DOK6: variants seen among roughly 807,000 people sequenced by gnomAD.
DOK6 encodes docking protein 6.
Under a neutral mutation model 44.0 loss-of-function variants are expected in DOK6, and 22 were observed. The observed-to-expected ratio is 0.50, with a 90% CI of 0.36 to 0.71. DOK6 has a LOEUF of 0.71. Among genes scored for constraint, DOK6 ranks in the 30% least tolerant of loss-of-function variants. The pLI, the probability that DOK6 is intolerant of heterozygous loss-of-function variation, is 0.00. For synonymous variants in DOK6, 166 were observed against 145.5 expected, an observed-to-expected ratio of 1.14 and a Z score of -1.01; for missense variants, 340 against 416.4, an observed-to-expected ratio of 0.82 and a Z score of 1.60.
intron 3 of DOK6, among the ~76,000 whole-genome samples, chr18:69,621,499 A>G (rs930888598): frequency 1.8e-4 from 27 of 152,146 alleles, no homozygotes; most frequent in Admixed American, 9.8e-4. Flanking sequence ...TGCCAAATGT[A>G]TATGAGGAAA....
At chr18:69,806,518 C>T (rs1395008355) in intron 7 of DOK6, among the ~76,000 whole-genome samples, 1 of 151,910 alleles carries the variant, frequency 6.6e-6, no homozygotes, top group Non-Finnish European at 1.5e-5. Flanking sequence ...TCCCTCAGAA[C>T]TCATGAACCT....
intron 1 of DOK6, among the ~76,000 whole-genome samples, chr18:69,523,397 C>A (rs1981741592): frequency 6.6e-6 from 1 of 151,960 alleles, no homozygotes; most frequent in Non-Finnish European, 1.5e-5. Flanking sequence ...GGTTTCTAAA[C>A]AGTTTTTTAA....
At chr18:69,645,393 A>G (rs1196618192) in intron 3 of DOK6, among the ~76,000 whole-genome samples, 2 of 152,226 alleles carry the variant, frequency 1.3e-5, no homozygotes, top group African/African-American at 4.8e-5. Flanking sequence ...TTCACTCAGC[A>G]TAATCTTCTG....
chr18:69,678,771 C>T (rs7229790), intron 4 of DOK6, among the ~76,000 whole-genome samples: 1,861 of 152,230 alleles, frequency 0.012, 39 homozygotes, highest in African/African-American at 0.041. Flanking sequence ...ATGATCACCA[C>T]CACCAGATGA....
chr18:69,575,666 TAA>T (rs991576065), intron 2 of DOK6, among the ~76,000 whole-genome samples: 1 of 152,110 alleles, frequency 6.6e-6, no homozygotes, highest in Admixed American at 6.6e-5. Context: ...GAATAAATGT[TAA>T]AAGACTAAAC....
chr18:69,841,371 C>T lies in DOK6; in HGVS notation c.984C>T (p.Ser328=). The T allele has an allele frequency of 6.2e-7, 1 of 1,614,186 alleles. No individual in the cohort carries two copies. The highest frequency in any genetic ancestry group is 8.5e-7 in the Non-Finnish European group (1 of 1,180,030). The change falls in exon 8 of 8, where the codon AGC becomes AGT. Residue 328 remains serine, a synonymous_variant. Transcript: ENST00000382713. The part of the protein sequence containing the change: ...SSSYGFSYSS[S]LIQ ...GCTATGGATTCAGCTACAGCTCCAG[C>T]CTCATCCAATGACACACAGAGAGCC...
chr18:69,628,465 G>C (rs1984610901), intron 3 of DOK6, among the ~76,000 whole-genome samples: 1 of 152,048 alleles, frequency 6.6e-6, no homozygotes, highest in Non-Finnish European at 1.5e-5. Context: ...ACTTCAGCCT[G>C]GGTGACAGAG....
chr18:69,579,588 G>T (rs944398223), intron 2 of DOK6, among the ~76,000 whole-genome samples: 1 of 149,906 alleles, frequency 6.7e-6, no homozygotes, highest in Non-Finnish European at 1.5e-5. Context: ...TTTTTGAGAC[G>T]GAGTCTTGCT....
At chr18:69,725,438 A>C (rs11878016) in intron 5 of DOK6, among the ~76,000 whole-genome samples, 1 of 152,116 alleles carries the variant, frequency 6.6e-6, no homozygotes, top group Non-Finnish European at 1.5e-5. Flanking sequence ...TTGAAACTTA[A>C]ATATGCAGAA....
At chr18:69,837,279 C>T (rs1225041893) in intron 7 of DOK6, among the ~76,000 whole-genome samples, 1 of 152,096 alleles carries the variant, frequency 6.6e-6, no homozygotes, top group East Asian at 1.9e-4. Context: ...CTTGCATTAT[C>T]CTGTGGTGGA....
Position 69,706,080 on chromosome 18 carries a change from C to A in DOK6, c.599+7487C>A, listed in dbSNP as rs570661557. Among the ~76,000 whole-genome samples, 7 of 152,330 alleles carry A rather than the reference C, an allele frequency of 4.6e-5. No homozygotes were observed. The South Asian group carries it at 6.2e-4, about 14-fold the overall frequency. ...GAGAACTTGACAGCACTGTTTGTCA[C>A]ACATGCCTCATCCTTGTAACTGGGG... is the stretch of plus-strand genomic sequence containing the variant. On this transcript the variant is annotated intron_variant, in intron 5 of 7. Coordinates refer to ENST00000382713, the MANE Select transcript of DOK6 (RefSeq NM_152721.6).
At chr18:69,720,980 T>C (rs989220110) in intron 5 of DOK6, among the ~76,000 whole-genome samples, 1 of 152,204 alleles carries the variant, frequency 6.6e-6, no homozygotes, top group Non-Finnish European at 1.5e-5. Context: ...AAAGGATATT[T>C]GTAGGTTAAA....
chr18:69,654,365 G>A (rs1414424547), intron 3 of DOK6, among the ~76,000 whole-genome samples: 3 of 152,076 alleles, frequency 2.0e-5, no homozygotes, highest in Admixed American at 6.6e-5. Context: ...TACTTGAACA[G>A]GGACACACAC....
At chr18:69,443,236 T>G (rs546118055) in intron 1 of DOK6, among the ~76,000 whole-genome samples, 2 of 152,272 alleles carry the variant, frequency 1.3e-5, no homozygotes, top group Admixed American at 1.3e-4. Flanking sequence ...TTTTAGTGTT[T>G]GAATATGACA....
chr18:69,495,659 G>A (rs967101410), intron 1 of DOK6, among the ~76,000 whole-genome samples: 2 of 152,196 alleles, frequency 1.3e-5, no homozygotes, highest in Admixed American at 1.3e-4. Context: ...GCAGCCTTCA[G>A]GCCCTTCCCA....
At position 69,845,987 on chromosome 18, in the gene DOK6, TG is replaced by T. The variant is rs1206180935; in HGVS notation, c.*4605del. On this transcript the variant is annotated 3_prime_UTR_variant, in exon 8 of 8. Transcript: ENST00000382713. The stretch of plus-strand genomic sequence containing the variant: ...TGAGACTGGTGTGCGGGGCTGGATC[TG>T]TGAGACAAGCTCACACTCTCATGTG... 6.6e-6 allele frequency: 1 copy of T among 152,230 alleles called. No homozygotes were observed. Among genetic ancestry groups the T allele is most frequent in the Non-Finnish European group, 1.5e-5 (1 of 68,046 alleles). 9.4% of individuals were successfully genotyped at this position (152,230 alleles called of 1,614,324 possible).
chr18:69,483,832 T>C (rs1046853640), intron 1 of DOK6: 1 of 152,124 alleles, frequency 6.6e-6, no homozygotes, highest in African/African-American at 2.4e-5. Flanking sequence ...CATTAGTCTT[T>C]GCGGTTTTCT....
chr18:69,463,556 C>T (rs901307359), intron 1 of DOK6, among the ~76,000 whole-genome samples: 1 of 152,166 alleles, frequency 6.6e-6, no homozygotes, highest in Admixed American at 6.5e-5. Context: ...ACTAAGCTAA[C>T]TCATTTCTGA....
chr18:69,438,298 A>T (rs1238785998), intron 1 of DOK6, among the ~76,000 whole-genome samples: 3 of 152,250 alleles, frequency 2.0e-5, no homozygotes, highest in Admixed American at 2.0e-4. Flanking sequence ...TGTTCACAGC[A>T]TCTTCATCAT....
Sources: gnomAD v4.1 joint callset for allele counts (sites outside exome capture counted in the v4.1 genomes callset) on GRCh38, gnomAD v4.1.1 for gene constraint, MANE v1.5 for transcripts, NCBI Gene and HGNC (gene_info 2026-07-23, HGNC 2026-07-21) for gene names.